Variants in ATRN observed in about 807,000 individuals in gnomAD.
ATRN encodes the protein attractin.
A neutral mutation model predicts 178.7 loss-of-function variants in ATRN; 54 were observed. That is an observed-to-expected ratio of 0.30 (90% confidence interval 0.24 to 0.38). The LOEUF is 0.38. ATRN is among the 10% of genes least tolerant of loss of function. ATRN has a pLI of 1.00. For missense variants in ATRN, 1,443 were observed against 1,815.1 expected (o/e 0.79, Z 3.73); for synonymous variants, 636 against 663.0 (o/e 0.96, Z 0.63).
intron 11 of ATRN, among the ~76,000 whole-genome samples, chr20:3,568,326 T>G (rs571141736): frequency 1.7e-4 from 25 of 149,648 alleles, no homozygotes; most frequent in Non-Finnish European, 3.4e-4. Flanking sequence ...TTATATTAAT[T>G]TTTTAGTTTT....
At chr20:3,545,428 A>G (rs1411717295) in intron 3 of ATRN, among the ~76,000 whole-genome samples, 1 of 151,818 alleles carries the variant, frequency 6.6e-6, no homozygotes, top group Non-Finnish European at 1.5e-5. Context: ...GGTATTCATC[A>G]CTCATAAAAT....
chr20:3,603,941 G>T (rs549280122), intron 23 of ATRN, among the ~76,000 whole-genome samples, 164 bp from the exon 24 acceptor site: 7 of 152,078 alleles, frequency 4.6e-5, no homozygotes, highest in Non-Finnish European at 1.0e-4. Context: ...ATAATAATAG[G>T]GCAGCTGTGA....
intron 1 of ATRN, chr20:3,489,777 T>C: frequency 7.3e-7 from 1 of 1,367,926 alleles, no homozygotes; most frequent in South Asian, 1.2e-5. Context: ...CTGGAAGGCT[T>C]TGCGCCCTTG....
At chr20:3,551,738 A>G (rs1190436632) in intron 6 of ATRN, among the ~76,000 whole-genome samples, 2 of 151,940 alleles carry the variant, frequency 1.3e-5, no homozygotes, top group East Asian at 1.9e-4. Context: ...TTTCATTCTC[A>G]GTTAATGGCC....
At chr20:3,636,654 A>T (rs1156558082) in intron 26 of ATRN, among the ~76,000 whole-genome samples, 1 of 152,208 alleles carries the variant, frequency 6.6e-6, no homozygotes, top group East Asian at 1.9e-4. Context: ...ACTAATCCTT[A>T]TCTCAAACCT....
intron 1 of ATRN, among the ~76,000 whole-genome samples, chr20:3,524,164 A>G (rs1197330506): frequency 3.3e-5 from 5 of 151,736 alleles, no homozygotes; most frequent in South Asian, 2.1e-4. Flanking sequence ...AGGAGACCCA[A>G]CTCATGTGCA....
chr20:3,588,866 A>T (rs1481164822), intron 18 of ATRN, among the ~76,000 whole-genome samples: 1 of 151,164 alleles, frequency 6.6e-6, no homozygotes, highest in African/African-American at 2.4e-5. Context: ...TTTGTTATAG[A>T]TCTATTCAGA....
intron 28 of ATRN, among the ~76,000 whole-genome samples, chr20:3,644,678 T>TC (rs2087094501): frequency 6.6e-6 from 1 of 152,208 alleles, no homozygotes; most frequent in African/African-American, 2.4e-5. Flanking sequence ...CCTTCTCCAC[T>TC]CCACAACTTC....
chr20:3,492,505 C>A (rs1443442843), intron 1 of ATRN, among the ~76,000 whole-genome samples: 2 of 151,772 alleles, frequency 1.3e-5, no homozygotes, highest in Non-Finnish European at 2.9e-5. Flanking sequence ...CTGAAGGTAG[C>A]CAGAGGTGTT....
At chr20:3,549,050 T>C (rs2085748264) in intron 5 of ATRN, 120 bp from the exon 6 acceptor site, 1 of 861,838 alleles carries the variant, frequency 1.2e-6, no homozygotes, top group Admixed American at 3.5e-5. Context: ...TTGTCTGATA[T>C]TTAAATGCTA....
rs759544008 is a variant in ATRN at position 3,540,203 on chromosome 20, CT to C, written c.495-12del. On this transcript the variant is annotated intron_variant, in intron 2 of 28. Transcript: ENST00000262919. ...GTTGTGATAACTTTATTATAAATTA[CT>C]TTTTTTATTCTTTTCAGGCCAAATA... The C allele has an allele frequency of 1.1e-5, 16 of 1,419,528 alleles. No individual in the cohort carries two copies. The highest frequency in any genetic ancestry group is 3.9e-5 in the South Asian group (3 of 77,240). 87.9% of individuals were successfully genotyped at this position (1,419,528 alleles called of 1,614,324 possible). A position where few individuals can be genotyped will look rare whatever the true frequency, so the allele number is the denominator to read the frequency against.
At chr20:3,520,233 G>T (rs545449873) in intron 1 of ATRN, among the ~76,000 whole-genome samples, 41 of 152,262 alleles carry the variant, frequency 2.7e-4, no homozygotes, top group African/African-American at 9.4e-4. Context: ...TGTGCCAAAG[G>T]TGTCATAGAG....
chr20:3,512,108 T>TATATATA (rs1491340714), intron 1 of ATRN, among the ~76,000 whole-genome samples: 2 of 100,744 alleles, frequency 2.0e-5, no homozygotes, highest in African/African-American at 9.1e-5. Context: ...TATATATATA[T>TATATATA]TTTTTTTTTT....
intron 25 of ATRN, among the ~76,000 whole-genome samples, chr20:3,625,023 G>C (rs1568771719): frequency 6.6e-6 from 1 of 152,018 alleles, no homozygotes; most frequent in African/African-American, 2.4e-5. Flanking sequence ...TATTTCCATA[G>C]TTTTTTTCGT....
intron 24 of ATRN, among the ~76,000 whole-genome samples, chr20:3,615,658 T>C (rs2086836264): frequency 2.0e-5 from 3 of 148,090 alleles, no homozygotes; most frequent in African/African-American, 7.5e-5. Context: ...TGGGTTCAAG[T>C]GATTCTCGTG....
At chr20:3,500,579 C>T (rs1021066697) in intron 1 of ATRN, among the ~76,000 whole-genome samples, 2 of 150,720 alleles carry the variant, frequency 1.3e-5, no homozygotes, top group Non-Finnish European at 3.0e-5. Context: ...AGTAAACTAT[C>T]GCAAGAACAA....
At chr20:3,519,006 T>TATATAAAAAAAAA (rs770584938) in intron 1 of ATRN, among the ~76,000 whole-genome samples, 20 of 119,506 alleles carry the variant, frequency 1.7e-4, no homozygotes, top group Non-Finnish European at 2.4e-4. Flanking sequence ...TCCTTATATA[T>TATATAAAAAAAAA]AAAAAAAAAA....
chr20:3,623,361 G>A (rs1187841998), intron 24 of ATRN, among the ~76,000 whole-genome samples: 1 of 152,086 alleles, frequency 6.6e-6, no homozygotes, highest in Non-Finnish European at 1.5e-5. Context: ...GCCAGAGGGA[G>A]GACACAAAAA....
At chr20:3,496,644 G>A (rs6139141) in intron 1 of ATRN, among the ~76,000 whole-genome samples, 20,518 of 152,198 alleles carry the variant, frequency 0.13, 1,965 homozygotes, top group South Asian at 0.32. Context: ...ATTTGGGGTA[G>A]AGAGTTCTGT....
Sources: gnomAD v4.1 joint callset for allele counts (sites outside exome capture counted in the v4.1 genomes callset) on GRCh38, gnomAD v4.1.1 for gene constraint, MANE v1.5 for transcripts, NCBI Gene and HGNC (gene_info 2026-07-23, HGNC 2026-07-21) for gene names.